The following UBASH3B variants were observed in gnomAD, a reference collection of about 807,000 sequenced individuals.
The protein encoded by UBASH3B is ubiquitin associated and SH3 domain containing B.
UBASH3B carries 37 observed loss-of-function variants against 83.4 expected under a neutral mutation model. The ratio of observed to expected loss-of-function variants is 0.44; its 90% confidence interval spans 0.34 to 0.58. The LOEUF is 0.58. Among genes scored for constraint, UBASH3B ranks in the 20% least tolerant of loss-of-function variants. The probability of loss-of-function intolerance (pLI) is 0.01; values close to 1 mark genes in which losing one functional copy is unlikely to be tolerated. For missense variants in UBASH3B, 657 were observed against 827.2 expected (o/e 0.79, Z 2.52); for synonymous variants, 304 against 318.3 (o/e 0.96, Z 0.48).
chr11:122,676,726 A>G (rs914065932), intron 1 of UBASH3B, among the ~76,000 whole-genome samples: 3 of 152,118 alleles, frequency 2.0e-5, no homozygotes, highest in Non-Finnish European at 4.4e-5. Flanking sequence ...AATTCTAAAT[A>G]GCGACATTCC....
At chr11:122,713,758 A>G (rs1372183959) in intron 1 of UBASH3B, among the ~76,000 whole-genome samples, 1 of 152,088 alleles carries the variant, frequency 6.6e-6, no homozygotes, top group African/African-American at 2.4e-5. Flanking sequence ...AAAAAAAAAA[A>G]AAAATGAATG....
chr11:122,677,446 G>C (rs745343276), intron 1 of UBASH3B, among the ~76,000 whole-genome samples: 1 of 152,208 alleles, frequency 6.6e-6, no homozygotes, highest in Admixed American at 6.5e-5. Context: ...GTTTATGTGC[G>C]TCTGTGCTGC....
chr11:122,669,684 T>A (rs1289512336), intron 1 of UBASH3B, among the ~76,000 whole-genome samples: 1 of 152,216 alleles, frequency 6.6e-6, no homozygotes, highest in Non-Finnish European at 1.5e-5. Context: ...CTTCACTGGG[T>A]ACCTACAGTG....
At chr11:122,673,818 T>C (rs1226087161) in intron 1 of UBASH3B, among the ~76,000 whole-genome samples, 2 of 152,226 alleles carry the variant, frequency 1.3e-5, no homozygotes, top group Non-Finnish European at 2.9e-5. Flanking sequence ...TTTTCTACTT[T>C]AAAAGAAAAA....
chr11:122,734,752 C>A (rs1860904493), intron 1 of UBASH3B, among the ~76,000 whole-genome samples: 1 of 149,794 alleles, frequency 6.7e-6, no homozygotes, highest in Admixed American at 6.7e-5. Flanking sequence ...TGTGCTTAAT[C>A]TTATAGAATT....
intron 1 of UBASH3B, among the ~76,000 whole-genome samples, chr11:122,673,555 A>G (rs1306316276): frequency 1.3e-5 from 2 of 152,170 alleles, no homozygotes; most frequent in Admixed American, 6.5e-5. Context: ...GCTACTCGGG[A>G]GGCTGAGGCA....
At chr11:122,747,795 T>A (rs1052400158) in intron 1 of UBASH3B, among the ~76,000 whole-genome samples, 2 of 152,216 alleles carry the variant, frequency 1.3e-5, no homozygotes, top group African/African-American at 4.8e-5. Flanking sequence ...AGCACAGGCA[T>A]GGAGAGGAAC....
In UBASH3B at chr11:122,798,993, C is replaced by T. The variant is rs757968710; in HGVS notation, c.1409C>T (p.Pro470Leu). Residue 470 changes from proline to leucine, a missense_variant, in exon 10 of 14, where the codon CCG becomes CTG. Physicochemically the swap from Pro to Leu is moderately conservative, Grantham distance 98. Transcript: ENST00000284273. Reference sequence around the variant, plus strand: ...ATTATCGATCATGTCTATTGCTCCCCGTCCCTTCGCTGCGTTCAGACTGCA... The same window carrying T: ...ATTATCGATCATGTCTATTGCTCCCTGTCCCTTCGCTGCGTTCAGACTGCA... ...NTIIDHVYCSPSLRCVQTAHN... is the reference protein window; with the variant it reads ...NTIIDHVYCSLSLRCVQTAHN... 5 of 1,613,902 alleles carry T rather than the reference C, an allele frequency of 3.1e-6. No homozygotes were observed. The highest frequency in any genetic ancestry group is 4.5e-5 in the East Asian group (2 of 44,884).
intron 2 of UBASH3B, 62 bp downstream of exon 2, chr11:122,776,334 G>T: frequency 6.8e-7 from 1 of 1,473,006 alleles, no homozygotes; most frequent in South Asian, 1.2e-5. Context: ...GCATGTGGAT[G>T]AGTGGGGAGG....
chr11:122,803,286 G>A (rs182659098), intron 11 of UBASH3B, among the ~76,000 whole-genome samples: 12 of 152,272 alleles, frequency 7.9e-5, no homozygotes, highest in Middle Eastern at 3.4e-3. Context: ...AATTAATGAT[G>A]CCAAATGGAC....
intron 1 of UBASH3B, among the ~76,000 whole-genome samples, chr11:122,767,407 T>C (rs545043368): frequency 2.6e-4 from 40 of 152,140 alleles, no homozygotes; most frequent in African/African-American, 9.4e-4. Flanking sequence ...GTCTCTCTGG[T>C]TCAAGCAAGT....
At chr11:122,752,844 C>T (rs1241563936) in intron 1 of UBASH3B, among the ~76,000 whole-genome samples, 1 of 152,032 alleles carries the variant, frequency 6.6e-6, no homozygotes, top group East Asian at 1.9e-4. Context: ...GAGTGTGTTC[C>T]GTTATATTTT....
At chr11:122,774,675 A>T (rs1265282731) in intron 1 of UBASH3B, among the ~76,000 whole-genome samples, 2 of 152,126 alleles carry the variant, frequency 1.3e-5, no homozygotes, top group Non-Finnish European at 2.9e-5. Context: ...ATTCCCACTC[A>T]TCTCTTCTCT....
intron 1 of UBASH3B, among the ~76,000 whole-genome samples, chr11:122,744,904 C>T (rs373988079): frequency 0.34 from 23,285 of 67,828 alleles, 2,657 homozygotes; most frequent in African/African-American, 0.47. Flanking sequence ...TGTGTGCGCG[C>T]GCGCGCGCAC....
At chr11:122,750,652 C>T (rs895097383) in intron 1 of UBASH3B, among the ~76,000 whole-genome samples, 2 of 152,144 alleles carry the variant, frequency 1.3e-5, no homozygotes, top group African/African-American at 2.4e-5. Flanking sequence ...GGTTAATAGC[C>T]GTTTTGCATC....
At chr11:122,660,752 A>G (rs886078249) in intron 1 of UBASH3B, among the ~76,000 whole-genome samples, 1 of 152,064 alleles carries the variant, frequency 6.6e-6, no homozygotes, top group African/African-American at 2.4e-5. Context: ...GAGTTTTTTT[A>G]TTATTTTTAT....
chr11:122,714,998 T>C (rs1325783107), intron 1 of UBASH3B, among the ~76,000 whole-genome samples: 1 of 152,200 alleles, frequency 6.6e-6, no homozygotes, highest in South Asian at 2.1e-4. Context: ...CGGGCTGGAG[T>C]GCAGTGGCGT....
chr11:122,789,033 C>A (rs969232913), intron 5 of UBASH3B, 67 bp from the exon 6 acceptor site: 2 of 1,433,042 alleles, frequency 1.4e-6, no homozygotes, highest in African/African-American at 2.8e-5. Context: ...AACATACAGT[C>A]CTGCCCTCAA....
At position 122,762,635 on chromosome 11, in the gene UBASH3B, T is replaced by A. The variant is rs557449981; in HGVS notation, c.162-13584T>A. ...GCCTGGCTCCCAACAATCTGCGTCA[T>A]GTGCGCTCTTCAGTAGACTCCTGCC... On this transcript the variant is annotated intron_variant, in intron 1 of 13. Transcript: ENST00000284273. Among the ~76,000 whole-genome samples, 5 of 152,364 alleles carry A rather than the reference T, an allele frequency of 3.3e-5. No homozygotes were observed. The East Asian group carries it at 7.7e-4, about 23-fold the overall frequency.
Sources: gnomAD v4.1 joint callset for allele counts (sites outside exome capture counted in the v4.1 genomes callset) on GRCh38, gnomAD v4.1.1 for gene constraint, MANE v1.5 for transcripts, NCBI Gene and HGNC (gene_info 2026-07-23, HGNC 2026-07-21) for gene names.